The following ZFHX3 variants were observed in gnomAD, a reference collection of about 807,000 sequenced individuals.
ZFHX3 encodes the protein zinc finger homeobox protein 3.
In ZFHX3, 42 loss-of-function variants were observed where a neutral mutation model predicts 279.1. That is an observed-to-expected ratio of 0.15 (90% CI 0.12 to 0.19). The LOEUF is 0.19. Ranked by LOEUF, ZFHX3 falls within the 10% of genes least tolerant of loss-of-function variation. The pLI is 1.00. For missense variants in ZFHX3, 4,981 were observed against 4,754.0 expected (o/e 1.05, Z -1.40); for synonymous variants, 2,293 against 1,957.8 (o/e 1.17, Z -4.52).
chr16:73,805,054 T>G (rs1432389719), intron 1 of ZFHX3, among the ~76,000 whole-genome samples: 1 of 152,160 alleles, frequency 6.6e-6, no homozygotes, highest in Non-Finnish European at 1.5e-5. Context: ...GTTCATGTAT[T>G]TCCTGCTGCA....
At chr16:72,911,175 G>A (rs1241414169) in intron 3 of ZFHX3, among the ~76,000 whole-genome samples, 1 of 152,244 alleles carries the variant, frequency 6.6e-6, no homozygotes, top group African/African-American at 2.4e-5. Flanking sequence ...CAGTAAGGGA[G>A]TCGAGAATGA....
At chr16:73,210,389 GAC>G (rs1288287713) in intron 5 of ZFHX3, among the ~76,000 whole-genome samples, 1 of 151,912 alleles carries the variant, frequency 6.6e-6, no homozygotes, top group Non-Finnish European at 1.5e-5. Context: ...GCAATTCAAA[GAC>G]AGTTTGAAAA....
At chr16:73,112,057 C>T (rs766414304) in intron 7 of ZFHX3, among the ~76,000 whole-genome samples, 28 of 151,962 alleles carry the variant, frequency 1.8e-4, no homozygotes, top group Admixed American at 4.6e-4. Flanking sequence ...GGTGCATAGT[C>T]CTTTTCCTCC....
rs749923418 is a variant in ZFHX3 at position 72,788,755 on chromosome 16, G to A, written c.9521C>T (p.Ser3174Phe). The change falls in exon 10 of 10, where the codon TCC becomes TTC. Residue 3174 changes from serine to phenylalanine, a missense_variant. Transcript: ENST00000268489. ...LPTSGLPNKP[S>F]SASLSSPTPA... ...GGTTGGGGAGCTCAGCGACGCTGAG[G>A]ACGGTTTATTTGGTAATCCAGAAGT... 2.5e-6 allele frequency: 4 copies of A among 1,578,728 alleles called. No homozygotes were observed. In the East Asian group the frequency reaches 6.7e-5, roughly 26 times the overall value.
chr16:73,737,183 G>A (rs2053616783), intron 1 of ZFHX3, among the ~76,000 whole-genome samples: 1 of 152,100 alleles, frequency 6.6e-6, no homozygotes, highest in African/African-American at 2.4e-5. Context: ...ACAGGCACAT[G>A]CTACCACACC....
chr16:73,768,010 G>T (rs2053971809), intron 1 of ZFHX3, among the ~76,000 whole-genome samples: 1 of 152,144 alleles, frequency 6.6e-6, no homozygotes, highest in Non-Finnish European at 1.5e-5. Flanking sequence ...ATGGCACACG[G>T]GTAATTCCTA....
chr16:73,482,562 G>A (rs2018888854), intron 2 of ZFHX3, among the ~76,000 whole-genome samples: 1 of 152,082 alleles, frequency 6.6e-6, no homozygotes. Context: ...GGCTGTGTAG[G>A]GCTTTAGCCC....
chr16:72,832,974 G>A (rs866537070), intron 4 of ZFHX3, among the ~76,000 whole-genome samples: 13 of 152,318 alleles, frequency 8.5e-5, no homozygotes, highest in South Asian at 6.2e-4. Flanking sequence ...GACAGTAACC[G>A]GAAAACTGTG....
intron 4 of ZFHX3, among the ~76,000 whole-genome samples, chr16:72,847,429 C>A (rs1437313876): frequency 6.6e-6 from 1 of 152,136 alleles, no homozygotes. Flanking sequence ...CAGGCTGCAT[C>A]TGGCCCTGAA....
At position 73,310,238 on chromosome 16, in the gene ZFHX3, G is replaced by A. The variant is rs550397570; in HGVS notation, c.-1194+8002C>T. On this transcript the variant is annotated intron_variant, in intron 4 of 17. Transcript: ENST00000641206. ...GGGACTCTTTCTAACAGAGACAATG[G>A]CAAAACCATCTGAGGTGGTGGTGGT... Among the ~76,000 whole-genome samples the A allele has an allele frequency of 2.0e-5, 3 of 152,196 alleles. No homozygotes were observed. The South Asian group carries it at 6.2e-4, about 32-fold the overall frequency.
At chr16:73,796,497 T>A (rs1959992785) in intron 1 of ZFHX3, 1 of 152,218 alleles carries the variant, frequency 6.6e-6, no homozygotes, top group Non-Finnish European at 1.5e-5. Flanking sequence ...CATTTCAGAA[T>A]GAGTACACAT....
At chr16:73,716,852 C>T (rs112940018) in intron 1 of ZFHX3, among the ~76,000 whole-genome samples, 6 of 151,980 alleles carry the variant, frequency 3.9e-5, no homozygotes, top group African/African-American at 1.2e-4. Context: ...TCAGCCGGCT[C>T]GCTCTCTGCA....
At chr16:73,576,088 C>T (rs1033977263) in intron 2 of ZFHX3, among the ~76,000 whole-genome samples, 1 of 152,080 alleles carries the variant, frequency 6.6e-6, no homozygotes, top group African/African-American at 2.4e-5. Context: ...AATACTTATA[C>T]ACACTCACTA....
intron 3 of ZFHX3, among the ~76,000 whole-genome samples, chr16:73,374,801 A>G (rs2016693952): frequency 6.6e-6 from 1 of 152,200 alleles, no homozygotes; most frequent in Admixed American, 6.5e-5. Flanking sequence ...CTGATTTTGC[A>G]GATTGCATTC....
chr16:72,895,916 CAGAT>C lies in ZFHX3; in HGVS notation c.3217-5958_3217-5955del, dbSNP rs1470516758. On this transcript the variant is annotated intron_variant, in intron 3 of 9. Coordinates refer to ENST00000268489, the MANE Select transcript of ZFHX3 (RefSeq NM_006885.4). ...AGACGGATAGATAGGTAAAAACAGA[CAGAT>C]AGCACCTGCAAAAGACTGGATCATA... 8.5e-5 allele frequency among the ~76,000 whole-genome samples: 13 copies of C among 152,282 alleles called. 1 individual carries two copies. The highest frequency in any genetic ancestry group is 2.1e-4 in the South Asian group (1 of 4,820).
intron 2 of ZFHX3, among the ~76,000 whole-genome samples, chr16:72,956,112 A>G (rs1961239384): frequency 6.6e-6 from 1 of 152,252 alleles, no homozygotes; most frequent in South Asian, 2.1e-4. Flanking sequence ...AGTACTAAGG[A>G]TTAAAAACTG....
chr16:73,842,265 C>T (rs890870908), intron 1 of ZFHX3, among the ~76,000 whole-genome samples: 1 of 151,970 alleles, frequency 6.6e-6, no homozygotes, highest in African/African-American at 2.4e-5. Flanking sequence ...TGATTGCAAG[C>T]CACCTCATCA....
intron 3 of ZFHX3, among the ~76,000 whole-genome samples, chr16:73,355,099 C>CG (rs1567459035): frequency 6.6e-6 from 1 of 152,074 alleles, no homozygotes; most frequent in African/African-American, 2.4e-5. Context: ...GAGGTGTGTT[C>CG]GGGGGATACG....
At chr16:73,152,056 A>G (rs1293549986) in intron 5 of ZFHX3, among the ~76,000 whole-genome samples, 2 of 151,966 alleles carry the variant, frequency 1.3e-5, no homozygotes, top group Non-Finnish European at 2.9e-5. Context: ...TTCCATCCCT[A>G]AGACATTTCC....
Sources: gnomAD v4.1 joint callset for allele counts (sites outside exome capture counted in the v4.1 genomes callset) on GRCh38, gnomAD v4.1.1 for gene constraint, MANE v1.5 for transcripts, NCBI Gene and HGNC (gene_info 2026-07-23, HGNC 2026-07-21) for gene names.